Variants in PLXDC2 observed in about 807,000 individuals in gnomAD.
PLXDC2 encodes the protein plexin domain containing 2, also known as plexin domain-containing protein 2.
PLXDC2 carries 40 observed loss-of-function variants against 68.9 expected under a neutral mutation model. That is an observed-to-expected ratio of 0.58 (90% CI 0.45 to 0.76). The LOEUF is 0.76. Among genes scored for constraint, PLXDC2 ranks in the 30% least tolerant of loss-of-function variants. The pLI, the probability that PLXDC2 is intolerant of heterozygous loss-of-function variation, is 0.00. For missense variants in PLXDC2, 644 were observed against 661.9 expected, an observed-to-expected ratio of 0.97 and a Z score of 0.30; for synonymous variants, 243 against 234.2, an observed-to-expected ratio of 1.04 and a Z score of -0.34.
At chr10:20,023,347 A>G (rs867977359) in intron 2 of PLXDC2, among the ~76,000 whole-genome samples, 27 of 152,254 alleles carry the variant, frequency 1.8e-4, no homozygotes, top group African/African-American at 5.8e-4. Context: ...GATGTCATAA[A>G]TACCTTATAA....
intron 1 of PLXDC2, among the ~76,000 whole-genome samples, chr10:19,860,541 G>A (rs1379432480): frequency 1.3e-5 from 2 of 152,208 alleles, no homozygotes; most frequent in African/African-American, 4.8e-5. Context: ...AATGGAGAAT[G>A]AATTCATTCT....
At chr10:19,915,369 C>T (rs1445838552) in intron 1 of PLXDC2, among the ~76,000 whole-genome samples, 3 of 152,128 alleles carry the variant, frequency 2.0e-5, no homozygotes, top group Admixed American at 2.0e-4. Context: ...TATTTTGGCA[C>T]TTCAAATGAA....
At chr10:19,966,321 T>A (rs2131607073) in intron 1 of PLXDC2, among the ~76,000 whole-genome samples, 1 of 6,830 alleles carries the variant, frequency 1.5e-4, no homozygotes, top group Admixed American at 1.6e-3. Flanking sequence ...TTTTATTTTA[T>A]ATATGTATAT....
intron 1 of PLXDC2, among the ~76,000 whole-genome samples, chr10:19,918,934 T>TA (rs1284661606): frequency 6.6e-6 from 1 of 152,236 alleles, no homozygotes; most frequent in Admixed American, 6.5e-5. Flanking sequence ...GTATTAAGTA[T>TA]AAATCTGCAT....
chr10:19,835,723 C>T (rs947172117), intron 1 of PLXDC2, among the ~76,000 whole-genome samples: 1 of 152,038 alleles, frequency 6.6e-6, no homozygotes, highest in African/African-American at 2.4e-5. Context: ...GAGTGAGAGG[C>T]AGATTAGGAA....
chr10:20,027,201 G>A (rs1036758079), intron 2 of PLXDC2, among the ~76,000 whole-genome samples: 6 of 151,672 alleles, frequency 4.0e-5, no homozygotes, highest in Non-Finnish European at 7.4e-5. Flanking sequence ...TCTTAAGTGC[G>A]GTGGTCTCAA....
At chr10:20,190,713 T>C (rs1589673002) in intron 9 of PLXDC2, among the ~76,000 whole-genome samples, 2 of 151,878 alleles carry the variant, frequency 1.3e-5, no homozygotes, top group East Asian at 1.9e-4. Context: ...TAAAAAGTAA[T>C]TTATGGTTTG....
chr10:19,951,854 A>G (rs1301860048), intron 1 of PLXDC2, among the ~76,000 whole-genome samples: 1 of 152,222 alleles, frequency 6.6e-6, no homozygotes. Context: ...AGCAACATGG[A>G]TGCAGCTAGA....
chr10:19,846,221 A>T (rs1564607567), intron 1 of PLXDC2, among the ~76,000 whole-genome samples: 2 of 152,184 alleles, frequency 1.3e-5, no homozygotes, highest in Non-Finnish European at 2.9e-5. Context: ...AGTAATTTGG[A>T]TCTGTTAGTG....
chr10:20,151,437 T>C (rs1216102832), intron 6 of PLXDC2, among the ~76,000 whole-genome samples: 1 of 152,172 alleles, frequency 6.6e-6, no homozygotes, highest in African/African-American at 2.4e-5. Context: ...AAATAGATCA[T>C]ACATGATTAT....
intron 2 of PLXDC2, among the ~76,000 whole-genome samples, chr10:20,026,627 A>G (rs1165897462): frequency 6.6e-6 from 1 of 152,098 alleles, no homozygotes; most frequent in Non-Finnish European, 1.5e-5. Context: ...GCAGTGCAGG[A>G]TGTGATTCCA....
intron 1 of PLXDC2, among the ~76,000 whole-genome samples, chr10:19,866,861 A>G (rs1210748003): frequency 1.3e-5 from 2 of 152,150 alleles, no homozygotes; most frequent in African/African-American, 4.8e-5. Context: ...GATATCTTCA[A>G]GTGGGGTCTT....
chr10:19,982,174 A>T (rs1304558642), intron 1 of PLXDC2, among the ~76,000 whole-genome samples: 1 of 152,238 alleles, frequency 6.6e-6, no homozygotes, highest in Non-Finnish European at 1.5e-5. Context: ...GAATTTTTGT[A>T]AAATCTTATG....
intron 1 of PLXDC2, among the ~76,000 whole-genome samples, chr10:19,874,353 G>C (rs1381407107): frequency 6.6e-6 from 1 of 152,122 alleles, no homozygotes; most frequent in Non-Finnish European, 1.5e-5. Flanking sequence ...TCCTCTTACT[G>C]GTTAGTACTG....
intron 12 of PLXDC2, among the ~76,000 whole-genome samples, chr10:20,236,132 T>C (rs1835429089): frequency 6.6e-6 from 1 of 152,198 alleles, no homozygotes; most frequent in African/African-American, 2.4e-5. Flanking sequence ...GAGACACATT[T>C]TATTTTTATT....
intron 1 of PLXDC2, among the ~76,000 whole-genome samples, chr10:19,825,079 C>G (rs1022776077): frequency 9.2e-5 from 14 of 152,146 alleles, no homozygotes; most frequent in African/African-American, 3.1e-4. Flanking sequence ...TGTCCTCACT[C>G]TTTCTGCTTG....
intron 4 of PLXDC2, among the ~76,000 whole-genome samples, chr10:20,139,747 T>A (rs1833976633): frequency 6.8e-6 from 1 of 146,702 alleles, no homozygotes; most frequent in East Asian, 2.0e-4. Flanking sequence ...AGCAAACTAA[T>A]ACAGGAACAG....
Position 19,817,087 on chromosome 10 carries a change from G to C in PLXDC2, c.8G>C (p.Arg3Thr). 6.4e-7 allele frequency: 1 copy of C among 1,552,272 alleles called. No homozygotes were observed. Among genetic ancestry groups the C allele is most frequent in the Non-Finnish European group, 8.7e-7 (1 of 1,147,866 alleles). Residue 3 changes from arginine to threonine, a missense_variant, in exon 1 of 14, where the codon AGG (arginine) becomes ACG (threonine). By Grantham distance (71) the Arg-to-Thr change is moderately conservative (BLOSUM62 -1). Coordinates refer to ENST00000377252, the MANE Select transcript of PLXDC2 (RefSeq NM_032812.9). ...GGAGGTGGCGGCGGCGGCATGGCGAGGTTCCCGAAGGCCGACCTGGCCGCT... is the reference window on the plus strand; with the variant it reads ...GGAGGTGGCGGCGGCGGCATGGCGACGTTCCCGAAGGCCGACCTGGCCGCT... MA[R>T]FPKADLAAAG...
intron 5 of PLXDC2, among the ~76,000 whole-genome samples, chr10:20,146,349 TTTC>T (rs1834077330): frequency 1.3e-5 from 2 of 152,018 alleles, no homozygotes; most frequent in South Asian, 4.2e-4. Flanking sequence ...CTCTTCCTTC[TTTC>T]TTTTCTTTTC....
Sources: gnomAD v4.1 joint callset for allele counts (sites outside exome capture counted in the v4.1 genomes callset) on GRCh38, gnomAD v4.1.1 for gene constraint, MANE v1.5 for transcripts, NCBI Gene and HGNC (gene_info 2026-07-23, HGNC 2026-07-21) for gene names.